The following ADAMTS3 variants were observed in gnomAD, a reference collection of about 807,000 sequenced individuals.
ADAMTS3 encodes the protein ADAM metallopeptidase with thrombospondin type 1 motif 3.
In ADAMTS3, 73 loss-of-function variants were observed where a neutral mutation model predicts 129.0. The ratio of observed to expected loss-of-function variants is 0.57; its 90% CI spans 0.47 to 0.69. The LOEUF (loss-of-function observed/expected upper bound fraction) is 0.69. ADAMTS3 is among the 30% of genes least tolerant of loss of function. ADAMTS3 has a pLI of 0.00. For synonymous variants in ADAMTS3, 477 were observed against 510.8 expected, an observed-to-expected ratio of 0.93 and a Z score of 0.89; for missense variants, 1,457 against 1,514.5, an observed-to-expected ratio of 0.96 and a Z score of 0.63.
chr4:72,377,517 A>G (rs1721163076), intron 4 of ADAMTS3, among the ~76,000 whole-genome samples: 1 of 152,222 alleles, frequency 6.6e-6, no homozygotes, highest in South Asian at 2.1e-4. Context: ...AGGCCTATCT[A>G]GACGGCTAAA....
intron 2 of ADAMTS3, among the ~76,000 whole-genome samples, chr4:72,555,095 T>C (rs528368699): frequency 1.7e-4 from 26 of 151,922 alleles, no homozygotes; most frequent in African/African-American, 5.6e-4. Context: ...ATAAAAGATA[T>C]AGATTCACAA....
At chr4:72,415,451 T>A (rs1002791514) in intron 3 of ADAMTS3, among the ~76,000 whole-genome samples, 1 of 152,038 alleles carries the variant, frequency 6.6e-6, no homozygotes, top group African/African-American at 2.4e-5. Context: ...ATGAGTTCCA[T>A]GCTACCTTCA....
intron 3 of ADAMTS3, among the ~76,000 whole-genome samples, chr4:72,530,458 AT>A (rs371006835): frequency 3.3e-5 from 3 of 90,758 alleles, no homozygotes; most frequent in South Asian, 7.2e-4. Flanking sequence ...TATATTATAT[AT>A]TAAATATATT....
chr4:72,306,102 G>A, intron 15 of ADAMTS3, 35 bp from the exon 16 acceptor site: 1 of 1,528,994 alleles, frequency 6.5e-7, no homozygotes, highest in Non-Finnish European at 8.9e-7. Context: ...AGGAAGCAAA[G>A]AAGAAAACAA....
At chr4:72,458,942 C>A (rs1355879251) in intron 3 of ADAMTS3, among the ~76,000 whole-genome samples, 1 of 151,496 alleles carries the variant, frequency 6.6e-6, no homozygotes, top group Non-Finnish European at 1.5e-5. Flanking sequence ...AAACAACATT[C>A]CCCATAGCAC....
At chr4:72,294,088 T>C (rs1239648450) in intron 19 of ADAMTS3, among the ~76,000 whole-genome samples, 1 of 152,052 alleles carries the variant, frequency 6.6e-6, no homozygotes, top group Admixed American at 6.6e-5. Flanking sequence ...CTTCCAGAGA[T>C]AAAAGATATA....
chr4:72,323,940 T>C (rs535305999), intron 5 of ADAMTS3, among the ~76,000 whole-genome samples: 8 of 152,142 alleles, frequency 5.3e-5, no homozygotes, highest in East Asian at 1.9e-4. Context: ...CTGGCAGATA[T>C]GAATCTGAAG....
chr4:72,424,107 C>A (rs1178433725), intron 3 of ADAMTS3, among the ~76,000 whole-genome samples: 2 of 152,054 alleles, frequency 1.3e-5, no homozygotes, highest in African/African-American at 4.8e-5. Flanking sequence ...CAAATATAAA[C>A]CTGATTAAAT....
At chr4:72,527,250 A>G (rs1315310124) in intron 3 of ADAMTS3, among the ~76,000 whole-genome samples, 1 of 152,188 alleles carries the variant, frequency 6.6e-6, no homozygotes, top group African/African-American at 2.4e-5. Context: ...TTAAAAGCTC[A>G]GCTCAACTAG....
At chr4:72,332,707 T>C (rs887310398) in intron 5 of ADAMTS3, among the ~76,000 whole-genome samples, 1 of 152,166 alleles carries the variant, frequency 6.6e-6, no homozygotes, top group Admixed American at 6.5e-5. Flanking sequence ...GTGTTGCTGA[T>C]GGAAAATATT....
chr4:72,495,104 G>T (rs540825930), intron 3 of ADAMTS3, among the ~76,000 whole-genome samples: 1 of 152,294 alleles, frequency 6.6e-6, no homozygotes, highest in East Asian at 1.9e-4. Context: ...TTACCATAAT[G>T]ATGGTGTAAG....
Position 72,509,150 on chromosome 4 carries a change from A to G in ADAMTS3, c.504+39328T>C, listed in dbSNP as rs1049688647. 2.6e-5 allele frequency among the ~76,000 whole-genome samples: 4 copies of G among 152,106 alleles called. No individual in the cohort carries two copies. In the East Asian group the frequency reaches 5.8e-4, roughly 22 times the overall value. ...AGAACTAAGAGGGAAATTTATAGCT[A>G]TAAGTGTCTACATCAAAAAAGAGAA... On this transcript the variant is annotated intron_variant, in intron 3 of 21. Transcript: ENST00000286657.
intron 3 of ADAMTS3, among the ~76,000 whole-genome samples, chr4:72,514,086 T>TTC (rs147075811): frequency 1.3e-4 from 20 of 151,010 alleles, no homozygotes; most frequent in Non-Finnish European, 2.1e-4. Context: ...CCCCCTCTCC[T>TTC]TCTCTCTCTC....
intron 3 of ADAMTS3, among the ~76,000 whole-genome samples, chr4:72,438,150 ATAG>A (rs1166251186): frequency 6.6e-6 from 1 of 151,706 alleles, no homozygotes; most frequent in African/African-American, 2.4e-5. Context: ...TCCAGAGGTA[ATAG>A]TAGGAAGATA....
At chr4:72,381,060 A>G (rs1395612145) in intron 4 of ADAMTS3, among the ~76,000 whole-genome samples, 1 of 152,128 alleles carries the variant, frequency 6.6e-6, no homozygotes, top group East Asian at 1.9e-4. Flanking sequence ...GCAAACAAAC[A>G]AAAAAGTTCT....
At chr4:72,459,996 C>T (rs531031087) in intron 3 of ADAMTS3, among the ~76,000 whole-genome samples, 1 of 151,666 alleles carries the variant, frequency 6.6e-6, no homozygotes, top group South Asian at 2.1e-4. Context: ...TCCACCCATA[C>T]TGTCATATCA....
intron 3 of ADAMTS3, among the ~76,000 whole-genome samples, chr4:72,462,399 C>T (rs1419853002): frequency 6.6e-6 from 1 of 151,958 alleles, no homozygotes; most frequent in African/African-American, 2.4e-5. Context: ...GCTGTTGAAA[C>T]AATGCGCAGT....
chr4:72,474,915 T>C (rs1318423959), intron 3 of ADAMTS3, among the ~76,000 whole-genome samples: 1 of 149,888 alleles, frequency 6.7e-6, no homozygotes, highest in Non-Finnish European at 1.5e-5. Flanking sequence ...TAGTCCCAGC[T>C]ACTTGGGAGG....
At chr4:72,351,541 C>A (rs533709261) in intron 4 of ADAMTS3, among the ~76,000 whole-genome samples, 116 of 140,970 alleles carry the variant, frequency 8.2e-4, no homozygotes, top group African/African-American at 2.9e-3. Context: ...GGTTGAGTAG[C>A]ATTTAGGAAA....
Sources: allele counts gnomAD v4.1 joint callset (sites outside exome capture counted in the v4.1 genomes callset), GRCh38; gene constraint gnomAD v4.1.1; transcripts MANE v1.5; gene names NCBI Gene and HGNC (gene_info 2026-07-23, HGNC 2026-07-21).